Variants in CTNNA3 observed in about 807,000 individuals in gnomAD.
The protein encoded by CTNNA3 is catenin alpha 3.
A neutral mutation model predicts 95.7 loss-of-function variants in CTNNA3; 76 were observed. The observed-to-expected ratio is 0.79, with a 90% confidence interval of 0.66 to 0.96. The LOEUF (loss-of-function observed/expected upper bound fraction) is 0.96, where lower values mean the gene tolerates loss of function less well. CTNNA3 is among the 40% of genes least tolerant of loss of function. The pLI, the probability that CTNNA3 is intolerant of heterozygous loss-of-function variation, is 0.00. For missense variants in CTNNA3, 1,191 were observed against 1,089.8 expected (o/e 1.09, Z -1.31); for synonymous variants, 431 against 374.4 (o/e 1.15, Z -1.74).
At chr10:66,555,938 T>C in intron 10 of CTNNA3, among the ~76,000 whole-genome samples, 1 of 151,886 alleles carries the variant, frequency 6.6e-6, no homozygotes, top group Non-Finnish European at 1.5e-5. Context: ...ATGCAACCTA[T>C]GAAAGAAAAA....
At chr10:66,330,731 T>A (rs1424961419) in intron 12 of CTNNA3, among the ~76,000 whole-genome samples, 1 of 152,122 alleles carries the variant, frequency 6.6e-6, no homozygotes, top group African/African-American at 2.4e-5. Flanking sequence ...CTCCAGCACC[T>A]GTAGTTTCCT....
chr10:67,530,556 A>G (rs1589394476), intron 4 of CTNNA3, among the ~76,000 whole-genome samples: 1 of 152,362 alleles, frequency 6.6e-6, no homozygotes, highest in East Asian at 1.9e-4. Context: ...GCAGCAAAGC[A>G]TTCAAGAGGT....
At chr10:67,554,524 T>A (rs1198710176) in intron 3 of CTNNA3, among the ~76,000 whole-genome samples, 1 of 152,264 alleles carries the variant, frequency 6.6e-6, no homozygotes, top group Non-Finnish European at 1.5e-5. Flanking sequence ...TGAGCATTTT[T>A]TCATGTGTCT....
chr10:66,560,241 A>G (rs1843666), intron 10 of CTNNA3, among the ~76,000 whole-genome samples: 54,599 of 151,818 alleles, frequency 0.36, 10,522 homozygotes, highest in Admixed American at 0.43. Flanking sequence ...TAGTCAGATT[A>G]TTCAGGTTTT....
At chr10:66,428,450 A>G (rs2093263374) in intron 11 of CTNNA3, among the ~76,000 whole-genome samples, 1 of 152,206 alleles carries the variant, frequency 6.6e-6, no homozygotes, top group Admixed American at 6.5e-5. Flanking sequence ...CAGAATATAC[A>G]TTCTTTTCAG....
chr10:66,550,278 A>G (rs1442628079), intron 10 of CTNNA3, among the ~76,000 whole-genome samples: 1 of 152,094 alleles, frequency 6.6e-6, no homozygotes, highest in Non-Finnish European at 1.5e-5. Flanking sequence ...ATTCCATGAT[A>G]TATCATTTTC....
At chr10:67,021,438 T>G (rs562333768) in intron 7 of CTNNA3, among the ~76,000 whole-genome samples, 28 of 152,208 alleles carry the variant, frequency 1.8e-4, no homozygotes, top group Non-Finnish European at 2.8e-4. Flanking sequence ...ACTGAAAATA[T>G]AAAATTTTAA....
intron 12 of CTNNA3, among the ~76,000 whole-genome samples, chr10:66,372,659 C>A (rs1165482820): frequency 1.3e-5 from 2 of 152,096 alleles, no homozygotes; most frequent in Non-Finnish European, 2.9e-5. Flanking sequence ...ATAAAGAAAA[C>A]AGGTTTAATT....
At chr10:67,640,766 A>G (rs1288011879) in intron 2 of CTNNA3, among the ~76,000 whole-genome samples, 1 of 152,206 alleles carries the variant, frequency 6.6e-6, no homozygotes, top group Non-Finnish European at 1.5e-5. Flanking sequence ...ACGATTCCCT[A>G]TTTAATAAAT....
chr10:66,377,622 A>G (rs1330974827), intron 12 of CTNNA3, among the ~76,000 whole-genome samples: 25 of 151,958 alleles, frequency 1.6e-4, no homozygotes, highest in Admixed American at 1.6e-3. Context: ...GATTTTACCT[A>G]ACCAATTCCT....
intron 1 of CTNNA3, among the ~76,000 whole-genome samples, chr10:67,722,329 G>C (rs1413256066): frequency 6.6e-6 from 1 of 152,162 alleles, no homozygotes; most frequent in Non-Finnish European, 1.5e-5. Context: ...AGTAGTACTA[G>C]GCCAGCTCTA....
At chr10:67,308,277 G>A (rs536880719) in intron 5 of CTNNA3, among the ~76,000 whole-genome samples, 1 of 152,326 alleles carries the variant, frequency 6.6e-6, no homozygotes, top group East Asian at 1.9e-4. Context: ...TGTGTCATCG[G>A]AGGGACCCGG....
chr10:67,346,751 C>A, intron 5 of CTNNA3: 1 of 494,648 alleles, frequency 2.0e-6, no homozygotes, highest in Non-Finnish European at 4.0e-6. Flanking sequence ...AATGTCAGGT[C>A]TCCTTCCTGA....
At chr10:66,689,676 G>A (rs943559256) in intron 9 of CTNNA3, among the ~76,000 whole-genome samples, 1 of 152,088 alleles carries the variant, frequency 6.6e-6, no homozygotes, top group Non-Finnish European at 1.5e-5. Context: ...ATTGAATGTT[G>A]CCTCACTCCT....
chr10:67,669,134 C>G (rs182007533), intron 1 of CTNNA3, among the ~76,000 whole-genome samples: 1 of 152,266 alleles, frequency 6.6e-6, no homozygotes, highest in East Asian at 1.9e-4. Context: ...TTCAAAACAA[C>G]TTATTATTCC....
chr10:67,321,427 T>C (rs1017358759), intron 5 of CTNNA3, among the ~76,000 whole-genome samples: 7 of 152,282 alleles, frequency 4.6e-5, no homozygotes, highest in Middle Eastern at 3.4e-3. Flanking sequence ...TACTTATGAC[T>C]TAAACAGCCC....
At chr10:65,941,258 G>A (rs1564528321) in intron 17 of CTNNA3, among the ~76,000 whole-genome samples, 1 of 152,180 alleles carries the variant, frequency 6.6e-6, no homozygotes, top group Non-Finnish European at 1.5e-5. Context: ...AACAAGAGCA[G>A]GATCTGCAGC....
intron 13 of CTNNA3, among the ~76,000 whole-genome samples, chr10:66,155,660 A>G (rs1337315850): frequency 1.3e-5 from 2 of 151,850 alleles, no homozygotes; most frequent in Non-Finnish European, 2.9e-5. Flanking sequence ...TGAGAAAAAC[A>G]TCATCTAGAT....
At chr10:66,922,881 G>C (rs1490416155) in intron 7 of CTNNA3, among the ~76,000 whole-genome samples, 1 of 151,938 alleles carries the variant, frequency 6.6e-6, no homozygotes. Flanking sequence ...TTTTGATATA[G>C]GCATGCAATG....
Sources: allele counts gnomAD v4.1 joint callset (sites outside exome capture counted in the v4.1 genomes callset), GRCh38; gene constraint gnomAD v4.1.1; transcripts MANE v1.5; gene names NCBI Gene and HGNC (gene_info 2026-07-23, HGNC 2026-07-21).